NLRC3: variants seen among roughly 807,000 people sequenced by gnomAD.
The protein encoded by NLRC3 is NLR family CARD domain containing 3, also known as NLR family CARD domain-containing protein 3.
Under a neutral mutation model 91.6 loss-of-function variants are expected in NLRC3, and 87 were observed. That is an observed-to-expected ratio of 0.95 (90% CI 0.80 to 1.14). The LOEUF is 1.14. Among genes scored for constraint, NLRC3 ranks in the 50% most tolerant of loss-of-function variants. The pLI, the probability that NLRC3 is intolerant of heterozygous loss-of-function variation, is 0.00. For missense variants in NLRC3, 1,577 were observed against 1,418.6 expected (o/e 1.11, Z -1.79); for synonymous variants, 694 against 625.3 (o/e 1.11, Z -1.64).
chr16:3,556,227 A>G (rs1292508628), intron 8 of NLRC3, among the ~76,000 whole-genome samples: 2 of 140,174 alleles, frequency 1.4e-5, no homozygotes, highest in Non-Finnish European at 3.1e-5. Flanking sequence ...GCTACTTGGA[A>G]GGCTGAGGCA....
intron 11 of NLRC3, 144 bp from the exon 12 acceptor site, chr16:3,549,924 A>G (rs2038907040): frequency 3.3e-6 from 2 of 608,028 alleles, no homozygotes; most frequent in East Asian, 2.8e-5. Context: ...TTCTCTTCTC[A>G]TCTCTCTTTC....
At chr16:3,554,593 T>TC (rs1244109908) in intron 8 of NLRC3, among the ~76,000 whole-genome samples, 1 of 152,208 alleles carries the variant, frequency 6.6e-6, no homozygotes, top group Non-Finnish European at 1.5e-5. Flanking sequence ...TCAATTGCCC[T>TC]CATTACAGCT....
chr16:3,548,579 A>G (rs1234941068), intron 14 of NLRC3, 91 bp downstream of exon 14: 1 of 994,136 alleles, frequency 1.0e-6, no homozygotes, highest in African/African-American at 1.6e-5. Context: ...GGTGTCCCCA[A>G]ACCAGGTGTG....
intron 8 of NLRC3, among the ~76,000 whole-genome samples, chr16:3,555,133 G>T (rs963996601): frequency 6.6e-6 from 1 of 150,446 alleles, no homozygotes; most frequent in Non-Finnish European, 1.5e-5. Context: ...GGGAGGCTGA[G>T]ACAGGAGAAG....
chr16:3,552,238 A>G lies in NLRC3; in HGVS notation c.2309T>C (p.Met770Thr), dbSNP rs763625574. Residue 770 changes from methionine to threonine, a missense_variant, in exon 10 of 20, where the codon ATG becomes ACG. By Grantham distance (81) the Met-to-Thr change is moderately conservative (BLOSUM62 -1). Transcript: ENST00000359128. ...NSIGPMGAQR[M>T]ADALKQNRSL... ...CCTGTTCTGCTTCAAGGCATCTGCC[A>G]TCCGCTGGGCTCCCATGGGCCCGAT... The G allele has an allele frequency of 6.2e-7, 1 of 1,613,724 alleles. No individual in the cohort carries two copies. The highest frequency in any genetic ancestry group is 8.5e-7 in the Non-Finnish European group (1 of 1,179,614).
At position 3,564,968 on chromosome 16, in the gene NLRC3, C is replaced by G; in HGVS notation, c.69G>C (p.Glu23Asp). Residue 23 changes from glutamate (E) to aspartate (D), a missense_variant, in exon 4 of 20, where the codon GAG becomes GAC. Transcript: ENST00000359128. This position sits in a 1 kb window ranked among gnomAD's most constrained non-coding sequence, Gnocchi z 5.9. ...GCAGATCCATGAGGGCTTTCACCTG[C>G]TCGGCTGGGGAGCCCGTACCGTGGC... is the stretch of plus-strand genomic sequence containing the variant. ...GQGHGTGSPA[E>D]QVKALMDLLA... 6.2e-7 allele frequency: 1 copy of G among 1,610,686 alleles called. No individual in the cohort carries two copies. The highest frequency in any genetic ancestry group is 8.5e-7 in the Non-Finnish European group (1 of 1,179,738).
chr16:3,546,730 G>C (rs1396053637), intron 15 of NLRC3, among the ~76,000 whole-genome samples: 5 of 152,188 alleles, frequency 3.3e-5, no homozygotes, highest in African/African-American at 1.2e-4. Context: ...TACAGAGGGG[G>C]TGTGGACGCG....
At chr16:3,557,431 A>G (rs2039395048) in intron 7 of NLRC3, among the ~76,000 whole-genome samples, 162 bp downstream of exon 7, 1 of 152,154 alleles carries the variant, frequency 6.6e-6, no homozygotes, top group Admixed American at 6.5e-5. Context: ...TGAAGTATGG[A>G]TATTATGTCC....
chr16:3,572,575 A>T (rs1447206615), intron 1 of NLRC3, among the ~76,000 whole-genome samples: 1 of 152,218 alleles, frequency 6.6e-6, no homozygotes, highest in East Asian at 1.9e-4. Flanking sequence ...GGCATGAGCC[A>T]CTGTGCCAGG....
chr16:3,542,502 G>A (rs1348459127), intron 18 of NLRC3, among the ~76,000 whole-genome samples, 190 bp downstream of exon 18: 1 of 152,214 alleles, frequency 6.6e-6, no homozygotes, highest in Admixed American at 6.5e-5. Context: ...AGATGTGAGT[G>A]ACTTCTGACT....
chr16:3,563,097 A>G lies in NLRC3; in HGVS notation c.1840T>C (p.Cys614Arg). ...LAYLLQVSDA[C>R]AQEANLSLSL... ...AGGGACAGGTTGGCCTCCTGGGCAC[A>G]GGCGTCGGACACCTGCAGGAGGTAG... is the stretch of plus-strand genomic sequence containing the variant. Residue 614 changes from cysteine to arginine, a missense_variant, in exon 5 of 20, where the codon TGT (cysteine) becomes CGT (arginine). By Grantham distance (180) the Cys-to-Arg change is radical. Coordinates refer to ENST00000359128, the MANE Select transcript of NLRC3 (RefSeq NM_178844.4). The G allele has an allele frequency of 1.9e-6, 3 of 1,575,280 alleles. No homozygotes were observed. The highest frequency in any genetic ancestry group is 1.7e-6 in the Non-Finnish European group (2 of 1,161,304).
intron 1 of NLRC3, among the ~76,000 whole-genome samples, chr16:3,570,461 C>T (rs987107041): frequency 9.9e-5 from 15 of 151,984 alleles, no homozygotes; most frequent in South Asian, 2.1e-4. Flanking sequence ...TGCGGTTTGA[C>T]GGGTAAGGGA....
chr16:3,574,420 G>T (rs554149093), intron 1 of NLRC3, among the ~76,000 whole-genome samples: 2 of 152,066 alleles, frequency 1.3e-5, no homozygotes, highest in East Asian at 3.9e-4. Context: ...TGAGAACCAC[G>T]GGACCCGAGC....
chr16:3,577,366 G>A lies in NLRC3; in HGVS notation c.-386C>T. ...GAGAGCAGTGCAGCCCCGACCTTCT[G>A]CAGCCCCACCGAGCCCACCGGCTGT... is the stretch of plus-strand genomic sequence containing the variant. On this transcript the variant is annotated 5_prime_UTR_variant, in exon 1 of 20. Coordinates refer to ENST00000359128, the MANE Select transcript of NLRC3 (RefSeq NM_178844.4). The A allele has an allele frequency of 1.7e-6, 1 of 581,776 alleles. No individual in the cohort carries two copies. The highest frequency in any genetic ancestry group is 3.0e-5 in the East Asian group (1 of 33,258). 36.0% of individuals were successfully genotyped at this position (581,776 alleles called of 1,614,324 possible). A position where few individuals can be genotyped will look rare whatever the true frequency, so the allele number is the denominator to read the frequency against.
rs1223001849 is a variant in NLRC3, at chr16:3,564,911, G to A, written c.126C>T (p.Ala42=). The A allele has an allele frequency of 6.2e-7, 1 of 1,610,050 alleles. No homozygotes were observed. The highest frequency in any genetic ancestry group is 8.5e-7 in the Non-Finnish European group (1 of 1,179,556). ...CCGGTGTCCTATCCAGGGCCTGCGGGGCCTGGGAGCCTTGACTGCCCTTCC... is the reference window on the plus strand; with the variant it reads ...CCGGTGTCCTATCCAGGGCCTGCGGAGCCTGGGAGCCTTGACTGCCCTTCC... ...LAGKGSQGSQ[A]PQALDRTPDA... Residue 42 remains alanine, a synonymous_variant, in exon 4 of 20, where the codon GCC becomes GCT. Coordinates refer to ENST00000359128, the MANE Select transcript of NLRC3 (RefSeq NM_178844.4). This position sits in a 1 kb window ranked among gnomAD's most constrained non-coding sequence, Gnocchi z 5.9.
chr16:3,569,398 T>TA (rs1555446808), intron 1 of NLRC3, among the ~76,000 whole-genome samples: 5 of 24,524 alleles, frequency 2.0e-4, no homozygotes, highest in Non-Finnish European at 3.4e-4. Context: ...ATATATATTA[T>TA]TTTTTTTTTT....
intron 8 of NLRC3, among the ~76,000 whole-genome samples, chr16:3,556,320 A>G (rs1189314995): frequency 3.7e-5 from 1 of 26,760 alleles, no homozygotes; most frequent in Non-Finnish European, 5.5e-5. Flanking sequence ...ATCCGTCTCA[A>G]AAAAAAAAAA....
chr16:3,571,372 C>T (rs1296003214), intron 1 of NLRC3, among the ~76,000 whole-genome samples: 2 of 144,852 alleles, frequency 1.4e-5, no homozygotes, highest in Non-Finnish European at 3.0e-5. Context: ...CATAGTGACA[C>T]ACCATCTCTA....
rs186866951 is a variant in NLRC3, at chr16:3,541,269, G to A, written c.*556C>T. 1 of 152,272 alleles carries A rather than the reference G, an allele frequency of 6.6e-6. No homozygotes were observed. The allele number at this position is 152,272 out of a possible 1,614,324, so 9.4% of individuals were successfully genotyped here. A position where few individuals can be genotyped will look rare whatever the true frequency, so the allele number is the denominator to read the frequency against. Reference sequence around the variant, plus strand: ...TACTGTCTCTGTTTCCAGAATCCTAGAATTAAAACTTTCATTTATCTTCAC... The same window carrying A: ...TACTGTCTCTGTTTCCAGAATCCTAAAATTAAAACTTTCATTTATCTTCAC... On this transcript the variant is annotated 3_prime_UTR_variant, in exon 20 of 20. Transcript: ENST00000359128.
Sources: gnomAD v4.1 joint callset for allele counts (sites outside exome capture counted in the v4.1 genomes callset) on GRCh38, gnomAD v4.1.1 for gene constraint, Gnocchi (gnomAD v3.1) non-coding constraint, MANE v1.5 for transcripts, NCBI Gene and HGNC (gene_info 2026-07-23, HGNC 2026-07-21) for gene names.